Variants in MEGF11 observed in about 807,000 individuals in gnomAD.
MEGF11 encodes multiple EGF like domains 11.
MEGF11 carries 126 observed loss-of-function variants against 146.6 expected under a neutral mutation model. That is an observed-to-expected ratio of 0.86 (90% CI 0.74 to 1.00). The LOEUF (loss-of-function observed/expected upper bound fraction) is 1.00. Among genes scored for constraint, MEGF11 ranks in the 50% least tolerant of loss-of-function variants. The pLI is 0.00. For missense variants in MEGF11, 1,509 were observed against 1,521.2 expected (o/e 0.99, Z 0.13); for synonymous variants, 532 against 583.4 (o/e 0.91, Z 1.27).
chr15:66,057,279 C>T (rs2084714707), intron 5 of MEGF11, among the ~76,000 whole-genome samples: 2 of 152,152 alleles, frequency 1.3e-5, no homozygotes, highest in South Asian at 4.1e-4. Context: ...GCAGCTTGGG[C>T]TGGGAAGATT....
intron 1 of MEGF11, among the ~76,000 whole-genome samples, chr15:66,159,761 G>A (rs1292113888): frequency 3.3e-5 from 5 of 152,140 alleles, no homozygotes; most frequent in Admixed American, 1.3e-4. Flanking sequence ...GGGATGCTGA[G>A]GAGCTGGGAG....
intron 1 of MEGF11, among the ~76,000 whole-genome samples, chr15:66,241,186 TC>T (rs1442118606): frequency 1.3e-5 from 2 of 151,946 alleles, no homozygotes; most frequent in African/African-American, 4.8e-5. Context: ...GGGCCCAGGG[TC>T]TCTACCCACT....
chr15:66,145,821 A>C (rs532548599), intron 1 of MEGF11, among the ~76,000 whole-genome samples: 1 of 152,190 alleles, frequency 6.6e-6, no homozygotes, highest in Non-Finnish European at 1.5e-5. Context: ...CGGACAAATG[A>C]CTTAATCTTG....
chr15:66,176,823 C>T (rs1230796914), intron 1 of MEGF11, among the ~76,000 whole-genome samples: 1 of 152,310 alleles, frequency 6.6e-6, no homozygotes, highest in East Asian at 1.9e-4. Flanking sequence ...TTCTGTCTGC[C>T]TGAGAGATGG....
At chr15:66,139,563 G>T (rs1281245544) in intron 1 of MEGF11, among the ~76,000 whole-genome samples, 1 of 150,470 alleles carries the variant, frequency 6.6e-6, no homozygotes, top group East Asian at 1.9e-4. Context: ...AGTGGATTAT[G>T]AAAGAAGGAT....
intron 24 of MEGF11, 140 bp from the exon 25 acceptor site, chr15:65,899,074 TA>T: frequency 1.2e-6 from 1 of 800,494 alleles, no homozygotes; most frequent in Non-Finnish European, 1.9e-6. Flanking sequence ...TTTATTTACT[TA>T]TTAAATGTGC....
intron 1 of MEGF11, among the ~76,000 whole-genome samples, chr15:66,174,269 G>A (rs1162729938): frequency 6.6e-6 from 1 of 152,224 alleles, no homozygotes; most frequent in Non-Finnish European, 1.5e-5. Flanking sequence ...CCAGAGATCA[G>A]AAAGGGGCTG....
Position 65,897,965 on chromosome 15 carries a change from G to A in MEGF11, c.3392C>T (p.Ala1131Val), listed in dbSNP as rs754353564. 21 of 1,613,852 alleles carry A rather than the reference G, an allele frequency of 1.3e-5. No individual in the cohort carries two copies. In the Admixed American group the frequency reaches 3.2e-4, roughly 24 times the overall value. ...YDLLPVRQSP[A>V]NGPSQDKQS ...TTGCTTGTCCTGGGACGGCCCATTG[G>A]CAGGGCTCTGTCTTACTGGGAGGAG... The change falls in exon 26 of 26, where the codon GCC (alanine) becomes GTC (valine). Residue 1131 changes from alanine to valine, a missense_variant. Transcript: ENST00000395614.
chr15:66,194,734 C>T (rs929901857), intron 1 of MEGF11, among the ~76,000 whole-genome samples: 1 of 152,030 alleles, frequency 6.6e-6, no homozygotes, highest in African/African-American at 2.4e-5. Flanking sequence ...GCTTGGGTGA[C>T]GGGTGCACCC....
chr15:65,935,052 G>A (rs746240886), intron 10 of MEGF11, among the ~76,000 whole-genome samples: 3 of 152,158 alleles, frequency 2.0e-5, no homozygotes, highest in Non-Finnish European at 2.9e-5. Flanking sequence ...TGGGCGTGAT[G>A]GCTCAGGCCT....
At chr15:66,243,873 C>A (rs2092255502) in intron 1 of MEGF11, among the ~76,000 whole-genome samples, 1 of 152,064 alleles carries the variant, frequency 6.6e-6, no homozygotes, top group African/African-American at 2.4e-5. Flanking sequence ...AGAATCAATT[C>A]CAGAACAGTC....
At chr15:65,976,093 A>C (rs1044140944) in intron 7 of MEGF11, among the ~76,000 whole-genome samples, 6 of 133,662 alleles carry the variant, frequency 4.5e-5, no homozygotes, top group African/African-American at 1.8e-4. Context: ...CCCAGGCTGG[A>C]GTGCAATGAT....
intron 4 of MEGF11, among the ~76,000 whole-genome samples, chr15:66,095,436 GTTT>G (rs1434492715): frequency 6.6e-6 from 1 of 152,158 alleles, no homozygotes; most frequent in Non-Finnish European, 1.5e-5. Flanking sequence ...GATCTAGATG[GTTT>G]TTTGTTTTGT....
chr15:65,957,190 C>G (rs918871703), intron 10 of MEGF11, among the ~76,000 whole-genome samples: 2 of 152,178 alleles, frequency 1.3e-5, no homozygotes, highest in Admixed American at 6.5e-5. Flanking sequence ...GCCTAAGCAG[C>G]AACATAGCAA....
chr15:66,180,804 C>A (rs16949618), intron 1 of MEGF11, among the ~76,000 whole-genome samples: 2 of 152,110 alleles, frequency 1.3e-5, no homozygotes, highest in East Asian at 3.8e-4. Context: ...TCTAGCTCTA[C>A]GGCCACAATT....
intron 1 of MEGF11, among the ~76,000 whole-genome samples, chr15:66,250,404 T>A (rs1461823890): frequency 6.6e-6 from 1 of 152,212 alleles, no homozygotes; most frequent in East Asian, 1.9e-4. Context: ...TTTGCCTCTG[T>A]TCTACGACTA....
Position 65,928,538 on chromosome 15 carries a change from G to A in MEGF11, c.1573-11C>T, listed in dbSNP as rs2079456101. On this transcript the variant is annotated splice_polypyrimidine_tract_variant and intron_variant, in intron 12 of 25. Coordinates refer to ENST00000395614, the MANE Select transcript of MEGF11 (RefSeq NM_001385028.1). ...CCCAAATGTGCCATCCTGTGGAGAA[G>A]ACAGGGAGAGAAAAATGATCAGACC... is the stretch of plus-strand genomic sequence containing the variant. The A allele has an allele frequency of 6.4e-7, 1 of 1,566,470 alleles. No individual in the cohort carries two copies. The highest frequency in any genetic ancestry group is 8.7e-7 in the Non-Finnish European group (1 of 1,147,986).
At chr15:65,905,824 A>AT in intron 24 of MEGF11, 2 of 386,122 alleles carry the variant, frequency 5.2e-6, no homozygotes, top group Non-Finnish European at 9.2e-6. Flanking sequence ...TTCCGAAGAC[A>AT]TTTAGTTGGC....
intron 18 of MEGF11, among the ~76,000 whole-genome samples, 160 bp from the exon 19 acceptor site, chr15:65,915,758 C>T (rs1440702190): frequency 1.3e-5 from 2 of 152,120 alleles, no homozygotes; most frequent in African/African-American, 2.4e-5. Context: ...GAGTGGGGGA[C>T]ACAGGGACAG....
Sources: allele counts gnomAD v4.1 joint callset (sites outside exome capture counted in the v4.1 genomes callset), GRCh38; gene constraint gnomAD v4.1.1; transcripts MANE v1.5; gene names NCBI Gene and HGNC (gene_info 2026-07-23, HGNC 2026-07-21).